The following CDH18 variants were observed in gnomAD, a reference collection of about 807,000 sequenced individuals.
The protein encoded by CDH18 is cadherin-18.
Under a neutral mutation model 67.9 loss-of-function variants are expected in CDH18, and 31 were observed. The observed-to-expected ratio is 0.46, with a 90% CI of 0.34 to 0.62. CDH18 has a LOEUF of 0.62. Ranked by LOEUF, CDH18 falls within the 20% of genes least tolerant of loss-of-function variation. The probability of loss-of-function intolerance (pLI) is 0.01; values close to 1 mark genes in which losing one functional copy is unlikely to be tolerated. For missense variants in CDH18, 890 were observed against 975.5 expected (o/e 0.91, Z 1.17); for synonymous variants, 362 against 347.2 (o/e 1.04, Z -0.48).
At chr5:19,709,661 GAAAGAAAGAAAAAGA>G (rs1234978735) in intron 5 of CDH18, among the ~76,000 whole-genome samples, 5 of 124,676 alleles carry the variant, frequency 4.0e-5, no homozygotes, top group African/African-American at 1.5e-4. Flanking sequence ...GAGAAAGAGA[GAAAGAAAGAAAAAGA>G]AAAGAAAGAA....
intron 5 of CDH18, among the ~76,000 whole-genome samples, chr5:19,710,341 T>C (rs1238135004): frequency 6.6e-6 from 1 of 152,250 alleles, no homozygotes; most frequent in East Asian, 1.9e-4. Context: ...TAAACAAATA[T>C]TGTCTTCTAT....
intron 3 of CDH18, among the ~76,000 whole-genome samples, chr5:19,787,809 T>TTTTATATA (rs1554034046): frequency 6.9e-6 from 1 of 144,400 alleles, no homozygotes; most frequent in African/African-American, 2.6e-5. Flanking sequence ...TAATTTACAG[T>TTTTATATA]TATATATATA....
intron 1 of CDH18, among the ~76,000 whole-genome samples, chr5:20,558,974 C>T (rs886220875): frequency 8.6e-5 from 13 of 151,234 alleles, no homozygotes; most frequent in Non-Finnish European, 1.5e-5. Flanking sequence ...CCATTGTCAT[C>T]TGCAGGCACT....
chr5:20,061,980 C>G (rs1401822808), intron 2 of CDH18, among the ~76,000 whole-genome samples: 1 of 152,024 alleles, frequency 6.6e-6, no homozygotes, highest in Non-Finnish European at 1.5e-5. Flanking sequence ...AAGTGCATTA[C>G]TGAATGTTCA....
chr5:20,159,535 G>T (rs560697479), intron 2 of CDH18, among the ~76,000 whole-genome samples: 1 of 152,238 alleles, frequency 6.6e-6, no homozygotes, highest in South Asian at 2.1e-4. Flanking sequence ...ACGTTTTTCT[G>T]GATGCTGCCC....
intron 1 of CDH18, among the ~76,000 whole-genome samples, chr5:20,533,975 G>A (rs1756566278): frequency 6.6e-6 from 1 of 151,730 alleles, no homozygotes; most frequent in South Asian, 2.1e-4. Flanking sequence ...GGGGTCCTAA[G>A]TATAGTTAAA....
At chr5:20,482,959 T>C (rs1478119843) in intron 1 of CDH18, among the ~76,000 whole-genome samples, 1 of 151,922 alleles carries the variant, frequency 6.6e-6, no homozygotes, top group Non-Finnish European at 1.5e-5. Flanking sequence ...AAAAAATAAA[T>C]AGTATCCAAT....
chr5:20,069,645 T>G (rs1743294577), intron 2 of CDH18, among the ~76,000 whole-genome samples: 1 of 152,126 alleles, frequency 6.6e-6, no homozygotes. Context: ...TCTCTTGACC[T>G]CATGATCTGC....
chr5:19,709,194 A>C (rs1037887382), intron 5 of CDH18, among the ~76,000 whole-genome samples: 6 of 151,990 alleles, frequency 3.9e-5, no homozygotes, highest in African/African-American at 1.2e-4. Context: ...TTACTTCGGA[A>C]ATATGTGGAG....
intron 1 of CDH18, among the ~76,000 whole-genome samples, chr5:20,294,547 C>T (rs1216341145): frequency 6.6e-6 from 1 of 152,162 alleles, no homozygotes; most frequent in African/African-American, 2.4e-5. Flanking sequence ...GGACATATCG[C>T]AGTAATGAGG....
At chr5:20,372,128 A>G (rs1743054491) in intron 1 of CDH18, among the ~76,000 whole-genome samples, 1 of 152,204 alleles carries the variant, frequency 6.6e-6, no homozygotes, top group South Asian at 2.1e-4. Context: ...ACTTTAGTTT[A>G]CGCTTTTAAG....
At chr5:20,154,764 C>T (rs1751391225) in intron 2 of CDH18, among the ~76,000 whole-genome samples, 1 of 152,124 alleles carries the variant, frequency 6.6e-6, no homozygotes, top group Non-Finnish European at 1.5e-5. Context: ...ACAAACACTT[C>T]CCTTCTTTCT....
intron 5 of CDH18, among the ~76,000 whole-genome samples, chr5:19,684,173 CA>C (rs1222203181): frequency 1.9e-4 from 29 of 151,990 alleles, no homozygotes; most frequent in Non-Finnish European, 2.9e-4. Flanking sequence ...AAATCATAGA[CA>C]AATGTCTACT....
At chr5:20,083,857 A>G (rs901355161) in intron 2 of CDH18, among the ~76,000 whole-genome samples, 2 of 152,160 alleles carry the variant, frequency 1.3e-5, no homozygotes, top group African/African-American at 4.8e-5. Context: ...CGAGAACAGC[A>G]TGGGAAAGAC....
At chr5:20,111,542 CTTTCTTTTTT>C (rs1310177312) in intron 2 of CDH18, among the ~76,000 whole-genome samples, 4 of 100,028 alleles carry the variant, frequency 4.0e-5, no homozygotes, top group Non-Finnish European at 6.2e-5. Context: ...TTCCTTCCTT[CTTTCTTTTTT>C]TTTTTTTTTT....
At position 20,163,161 on chromosome 5, in the gene CDH18, G is replaced by T. The variant is rs557089866; in HGVS notation, c.-518+92283C>A. Among the ~76,000 whole-genome samples the T allele has an allele frequency of 2.0e-5, 3 of 152,042 alleles. No homozygotes were observed. In the South Asian group the frequency reaches 6.2e-4, roughly 32 times the overall value. ...CCTCACACTGCTTCATCTATTTCTT[G>T]AGGTATTTTAAAGATCCCTGACTTC... is the stretch of plus-strand genomic sequence containing the variant. On this transcript the variant is annotated intron_variant, in intron 2 of 14. Coordinates refer to the CDH18 transcript ENST00000507958.
chr5:20,202,344 T>C (rs1739515041), intron 2 of CDH18, among the ~76,000 whole-genome samples: 1 of 152,188 alleles, frequency 6.6e-6, no homozygotes, highest in Non-Finnish European at 1.5e-5. Context: ...TTTATTGAAA[T>C]ACATAGCCAT....
chr5:19,848,175 A>AT (rs943126824), intron 2 of CDH18: 2 of 152,212 alleles, frequency 1.3e-5, no homozygotes, highest in African/African-American at 4.8e-5. Flanking sequence ...CTCATGAGCC[A>AT]TTAGGCATGA....
intron 7 of CDH18, among the ~76,000 whole-genome samples, chr5:19,573,404 G>A (rs12152771): frequency 3.3e-5 from 5 of 151,564 alleles, no homozygotes; most frequent in South Asian, 2.1e-4. Context: ...TCAGCCTCCC[G>A]AGTAGCTGGA....
Sources: gnomAD v4.1 joint callset for allele counts (sites outside exome capture counted in the v4.1 genomes callset) on GRCh38, gnomAD v4.1.1 for gene constraint, MANE v1.5 for transcripts, NCBI Gene and HGNC (gene_info 2026-07-23, HGNC 2026-07-21) for gene names.